UNC13C: variants seen among roughly 807,000 people sequenced by gnomAD.
UNC13C encodes the protein unc-13 homolog C, also known as protein unc-13 homolog C.
UNC13C carries 174 observed loss-of-function variants against 245.4 expected under a neutral mutation model. The ratio of observed to expected loss-of-function variants is 0.71; its 90% CI spans 0.63 to 0.80. The LOEUF is 0.80. Among genes scored for constraint, UNC13C ranks in the 30% least tolerant of loss-of-function variants. The probability of loss-of-function intolerance (pLI) is 0.00; values close to 1 mark genes in which losing one functional copy is unlikely to be tolerated. For synonymous variants in UNC13C, 992 were observed against 895.1 expected (o/e 1.11, Z -1.93); for missense variants, 2,829 against 2,602.9 (o/e 1.09, Z -1.89).
At chr15:53,839,660 A>T in the UNC13C span, among the ~76,000 whole-genome samples, 1 of 151,918 alleles carries the variant, frequency 6.6e-6, no homozygotes, top group African/African-American at 2.4e-5. Context: ...ACCTACATTT[A>T]TTATGCTTAC....
At chr15:54,361,009 G>C (rs1385889546) in intron 17 of UNC13C, among the ~76,000 whole-genome samples, 3 of 152,082 alleles carry the variant, frequency 2.0e-5, no homozygotes, top group Non-Finnish European at 4.4e-5. Flanking sequence ...TCTTTCTCCA[G>C]ATTTGGGAAA....
chr15:54,534,756 C>G (rs567381013), intron 26 of UNC13C, among the ~76,000 whole-genome samples: 1 of 152,114 alleles, frequency 6.6e-6, no homozygotes, highest in Non-Finnish European at 1.5e-5. Context: ...GATGGAGCTG[C>G]AAAACTCACT....
chr15:53,897,674 A>G, the UNC13C span, among the ~76,000 whole-genome samples: 12 of 152,188 alleles, frequency 7.9e-5, no homozygotes, highest in Admixed American at 5.2e-4. Context: ...GGCCTTACCC[A>G]ATGCCATTTT....
chr15:53,837,890 C>T, the UNC13C span, among the ~76,000 whole-genome samples: 1 of 152,032 alleles, frequency 6.6e-6, no homozygotes, highest in Non-Finnish European at 1.5e-5. Context: ...TTTCTAAGCA[C>T]TGTATAGTAT....
At chr15:53,927,657 T>A in the UNC13C span, among the ~76,000 whole-genome samples, 1 of 152,162 alleles carries the variant, frequency 6.6e-6, no homozygotes, top group Non-Finnish European at 1.5e-5. Flanking sequence ...AGCTGGAATT[T>A]CAAAGGAGGG....
At chr15:54,374,279 C>G (rs2039556935) in intron 17 of UNC13C, among the ~76,000 whole-genome samples, 1 of 152,176 alleles carries the variant, frequency 6.6e-6, no homozygotes, top group Non-Finnish European at 1.5e-5. Flanking sequence ...CCCTTTCCAC[C>G]CAGGAGCCTA....
At chr15:54,468,212 G>A (rs1449682043) in intron 19 of UNC13C, among the ~76,000 whole-genome samples, 1 of 151,508 alleles carries the variant, frequency 6.6e-6, no homozygotes, top group African/African-American at 2.4e-5. Context: ...ATCTGACATT[G>A]AGCATTTTTC....
chr15:53,916,923 C>T, the UNC13C span, among the ~76,000 whole-genome samples: 16 of 152,134 alleles, frequency 1.1e-4, no homozygotes, highest in African/African-American at 3.9e-4. Flanking sequence ...TGAGGCAGGT[C>T]GTTTACAGAT....
At chr15:54,122,895 A>C (rs368758023) in intron 2 of UNC13C, among the ~76,000 whole-genome samples, 1 of 152,080 alleles carries the variant, frequency 6.6e-6, no homozygotes, top group South Asian at 2.1e-4. Context: ...TTTGGGTATT[A>C]TTAATAAAGC....
chr15:54,237,561 C>G, intron 6 of UNC13C, 58 bp from the exon 7 acceptor site: 1 of 1,261,174 alleles, frequency 7.9e-7, no homozygotes, highest in Non-Finnish European at 1.1e-6. Flanking sequence ...TTCTGCTGAG[C>G]AGTATATGCA....
intron 25 of UNC13C, among the ~76,000 whole-genome samples, chr15:54,528,186 G>A (rs62022414): frequency 0.052 from 7,973 of 152,200 alleles, 351 homozygotes; most frequent in Admixed American, 0.13. Context: ...TGCTCACAGG[G>A]CACCTACCTG....
At chr15:54,455,181 C>CTCTCTCTCTA (rs1891415525) in intron 19 of UNC13C, among the ~76,000 whole-genome samples, 3 of 38,500 alleles carry the variant, frequency 7.8e-5, no homozygotes, top group South Asian at 1.7e-3. Context: ...CTCTCTCTCT[C>CTCTCTCTCTA]TCTCTCTCTC....
At chr15:54,059,642 A>G (rs1212732077) in intron 2 of UNC13C, among the ~76,000 whole-genome samples, 1 of 152,244 alleles carries the variant, frequency 6.6e-6, no homozygotes, top group East Asian at 1.9e-4. Context: ...GAACCAAAAA[A>G]GAGCCCACAT....
At chr15:54,232,030 C>A (rs75460488) in intron 4 of UNC13C, among the ~76,000 whole-genome samples, 9,307 of 152,088 alleles carry the variant, frequency 0.061, 425 homozygotes, top group South Asian at 0.13. Flanking sequence ...TTTATGTAGA[C>A]CTTATCTATA....
At chr15:54,449,043 T>C (rs1483778622) in intron 19 of UNC13C, among the ~76,000 whole-genome samples, 8 of 152,186 alleles carry the variant, frequency 5.3e-5, no homozygotes, top group Non-Finnish European at 1.2e-4. Flanking sequence ...AAGCTTAGTT[T>C]GGCTGGATAT....
chr15:54,204,843 CT>C lies in UNC13C; in HGVS notation c.3072-30181del, dbSNP rs555473071. 1.2e-3 allele frequency among the ~76,000 whole-genome samples: 178 copies of C among 151,994 alleles called. 1 individual carries two copies. The highest frequency in any genetic ancestry group is 4.2e-3 in the African/African-American group (173 of 41,534). ...TGGGAAAGTCGACAGTATTGGAAAT[CT>C]TTTTTGAACTGAGTAGAAAATACAT... is the stretch of plus-strand genomic sequence containing the variant. On this transcript the variant is annotated intron_variant, in intron 4 of 32. Coordinates refer to ENST00000260323, the MANE Select transcript of UNC13C (RefSeq NM_001080534.3).
the UNC13C span, among the ~76,000 whole-genome samples, chr15:53,845,876 T>A: frequency 6.6e-6 from 1 of 152,144 alleles, no homozygotes; most frequent in Non-Finnish European, 1.5e-5. Context: ...AATCCTAGCA[T>A]AAACAGTTCC....
intron 20 of UNC13C, 92 bp downstream of exon 20, chr15:54,494,826 C>A: frequency 1.4e-6 from 2 of 1,411,136 alleles, no homozygotes; most frequent in Non-Finnish European, 1.9e-6. Flanking sequence ...AATCTCTTCA[C>A]ATAATCTTCA....
rs572592697 is a variant in UNC13C at position 54,191,686 on chromosome 15, T to A, written c.3072-43344T>A. Among the ~76,000 whole-genome samples, 14 of 152,310 alleles carry A rather than the reference T, an allele frequency of 9.2e-5. No individual in the cohort carries two copies. In the East Asian group the frequency reaches 2.3e-3, roughly 25 times the overall value. ...CCCACCAACAGTGTAAAAGCGTTCC[T>A]ATTTCACCACATCCTCTCCAGCATC... is the stretch of plus-strand genomic sequence containing the variant. On this transcript the variant is annotated intron_variant, in intron 4 of 32. Transcript: ENST00000260323.
Sources: gnomAD v4.1 joint callset for allele counts (sites outside exome capture counted in the v4.1 genomes callset) on GRCh38, gnomAD v4.1.1 for gene constraint, MANE v1.5 for transcripts, NCBI Gene and HGNC (gene_info 2026-07-23, HGNC 2026-07-21) for gene names.